Variants in ATF7IP2 observed in about 807,000 individuals in gnomAD.
The protein encoded by ATF7IP2 is activating transcription factor 7-interacting protein 2.
A neutral mutation model predicts 64.2 loss-of-function variants in ATF7IP2; 42 were observed. The observed-to-expected ratio is 0.65, with a 90% CI of 0.51 to 0.85. ATF7IP2 has a LOEUF of 0.85. Among genes scored for constraint, ATF7IP2 ranks in the 40% least tolerant of loss-of-function variants. The pLI is 0.00. For missense variants in ATF7IP2, 933 were observed against 784.2 expected, an observed-to-expected ratio of 1.19 and a Z score of -2.27; for synonymous variants, 308 against 272.8, an observed-to-expected ratio of 1.13 and a Z score of -1.27.
Position 10,477,407 on chromosome 16 carries a change from C to G in ATF7IP2, c.1549+3418C>G, listed in dbSNP as rs560923944. Among the ~76,000 whole-genome samples, 5 of 152,190 alleles carry G rather than the reference C, an allele frequency of 3.3e-5. No homozygotes were observed. The East Asian group carries it at 9.7e-4, about 29-fold the overall frequency. ...ATTATCTCAATAGATGCAGAAAAGG[C>G]CTTTGACAAAATTCAACAACCCTTC... On this transcript the variant is annotated intron_variant, in intron 12 of 13. Transcript: ENST00000562102.
intron 2 of ATF7IP2, among the ~76,000 whole-genome samples, chr16:10,417,064 A>G (rs1022560684): frequency 5.3e-5 from 8 of 152,234 alleles, no homozygotes; most frequent in South Asian, 2.1e-4. Context: ...TCATGAAAGT[A>G]TAAGAATCAG....
intron 3 of ATF7IP2, among the ~76,000 whole-genome samples, chr16:10,423,035 G>A (rs909821053): frequency 6.6e-6 from 1 of 152,196 alleles, no homozygotes; most frequent in Non-Finnish European, 1.5e-5. Context: ...ACGAGGTCAG[G>A]AGATCAAGAC....
chr16:10,431,405 G>A lies in ATF7IP2; in HGVS notation c.785G>A (p.Cys262Tyr). 6.2e-7 allele frequency: 1 copy of A among 1,611,726 alleles called. No homozygotes were observed. Among genetic ancestry groups the A allele is most frequent in the Non-Finnish European group, 8.5e-7 (1 of 1,178,102 alleles). ...TGTAGTAGAACCAGTATTTCAAATT[G>A]TGAAAGTGCAGACTCAACATGGCAG... ...DECSRTSISN[C>Y]ESADSTWQSS... is the part of the protein sequence containing the mutation. Residue 262 changes from cysteine (C) to tyrosine (Y), a missense_variant, in exon 5 of 14, where the codon TGT (cysteine) becomes TAT (tyrosine). By Grantham distance (194) the Cys-to-Tyr change is radical. Transcript: ENST00000562102.
intron 1 of ATF7IP2, among the ~76,000 whole-genome samples, chr16:10,408,849 T>C (rs933928524): frequency 3.9e-5 from 6 of 152,228 alleles, no homozygotes; most frequent in African/African-American, 1.4e-4. Context: ...TTTAATTAAG[T>C]CCTGCCTATT....
At chr16:10,469,148 T>A (rs138143890) in intron 9 of ATF7IP2, among the ~76,000 whole-genome samples, 1 of 152,118 alleles carries the variant, frequency 6.6e-6, no homozygotes, top group Non-Finnish European at 1.5e-5. Flanking sequence ...AAATATGACC[T>A]ATCAACAAGG....
intron 9 of ATF7IP2, among the ~76,000 whole-genome samples, chr16:10,467,044 C>G (rs2049600696): frequency 6.6e-6 from 1 of 151,910 alleles, no homozygotes; most frequent in Non-Finnish European, 1.5e-5. Flanking sequence ...AAGGCTAATC[C>G]TCTGCTTGCC....
chr16:10,399,808 C>G (rs753427751), intron 1 of ATF7IP2, among the ~76,000 whole-genome samples: 1 of 152,144 alleles, frequency 6.6e-6, no homozygotes, highest in South Asian at 2.1e-4. Context: ...ATTAATTCTC[C>G]TGATCAGTGA....
intron 5 of ATF7IP2, 89 bp from the exon 6 acceptor site, chr16:10,433,436 G>T: frequency 8.1e-7 from 1 of 1,238,286 alleles, no homozygotes; most frequent in South Asian, 1.4e-5. Flanking sequence ...TAGCCTCCCA[G>T]AGTGCTGGGA....
intron 8 of ATF7IP2, among the ~76,000 whole-genome samples, chr16:10,441,139 C>G (rs560112061): frequency 2.6e-4 from 39 of 152,236 alleles, no homozygotes; most frequent in African/African-American, 8.9e-4. Flanking sequence ...TTGTCTTTAT[C>G]CAGTCTATCA....
intron 10 of ATF7IP2, 93 bp from the exon 11 acceptor site, chr16:10,473,386 A>G (rs2049879265): frequency 1.3e-6 from 1 of 783,934 alleles, no homozygotes; most frequent in South Asian, 1.5e-5. Flanking sequence ...TTAACAGCTA[A>G]TTAGCATCCC....
chr16:10,443,334 G>A (rs1189627662), intron 8 of ATF7IP2, among the ~76,000 whole-genome samples: 1 of 152,162 alleles, frequency 6.6e-6, no homozygotes, highest in African/African-American at 2.4e-5. Flanking sequence ...GACCTGCAGG[G>A]TGCTGGACTT....
chr16:10,411,355 T>TC (rs796214537), intron 1 of ATF7IP2, among the ~76,000 whole-genome samples: 211 of 123,518 alleles, frequency 1.7e-3, no homozygotes, highest in African/African-American at 6.6e-3. Context: ...CTTTTTGTTT[T>TC]TTTTTTTTTG....
chr16:10,481,182 A>G (rs16966862), intron 13 of ATF7IP2, among the ~76,000 whole-genome samples: 2,659 of 152,336 alleles, frequency 0.017, 73 homozygotes, highest in African/African-American at 0.06. Context: ...ACAAATTGGA[A>G]AAGAAGCAAT....
intron 1 of ATF7IP2, among the ~76,000 whole-genome samples, chr16:10,407,393 AGAG>A (rs1381243178): frequency 1.3e-5 from 2 of 152,210 alleles, no homozygotes; most frequent in Non-Finnish European, 2.9e-5. Context: ...TAGGCGAATC[AGAG>A]GAGAAATAAG....
At chr16:10,411,734 A>C (rs565408587) in intron 1 of ATF7IP2, among the ~76,000 whole-genome samples, 2 of 152,052 alleles carry the variant, frequency 1.3e-5, no homozygotes, top group African/African-American at 2.4e-5. Flanking sequence ...CAGGGTATCT[A>C]CTTCTTCCTG....
At chr16:10,390,380 G>A (rs1442818332) in intron 1 of ATF7IP2, among the ~76,000 whole-genome samples, 1 of 152,206 alleles carries the variant, frequency 6.6e-6, no homozygotes, top group East Asian at 1.9e-4. Flanking sequence ...ATGCATCTTA[G>A]AGAATATTGG....
At chr16:10,454,993 GAC>G (rs2049119922) in intron 8 of ATF7IP2, among the ~76,000 whole-genome samples, 1 of 152,230 alleles carries the variant, frequency 6.6e-6, no homozygotes, top group African/African-American at 2.4e-5. Context: ...TATTTTACTT[GAC>G]GAATGTTCCA....
chr16:10,478,363 A>G (rs867306089), intron 12 of ATF7IP2, among the ~76,000 whole-genome samples: 1 of 152,132 alleles, frequency 6.6e-6, no homozygotes, highest in Non-Finnish European at 1.5e-5. Flanking sequence ...ATCTACAACT[A>G]TCTGATCTTT....
At chr16:10,406,944 T>TA (rs1237785541) in intron 1 of ATF7IP2, among the ~76,000 whole-genome samples, 1 of 151,834 alleles carries the variant, frequency 6.6e-6, no homozygotes, top group Admixed American at 6.6e-5. Flanking sequence ...AACAGACACA[T>TA]AAAAATAAAT....
Sources: gnomAD v4.1 joint callset for allele counts (sites outside exome capture counted in the v4.1 genomes callset) on GRCh38, gnomAD v4.1.1 for gene constraint, MANE v1.5 for transcripts, NCBI Gene and HGNC (gene_info 2026-07-23, HGNC 2026-07-21) for gene names.